FAM168A: variants seen among roughly 807,000 people sequenced by gnomAD.
FAM168A encodes protein FAM168A.
In FAM168A, 3 loss-of-function variants were observed where a neutral mutation model predicts 28.5. The observed-to-expected ratio is 0.11, with a 90% CI of 0.05 to 0.27. The LOEUF (loss-of-function observed/expected upper bound fraction) is 0.27. FAM168A is among the 10% of genes least tolerant of loss of function. The probability of loss-of-function intolerance (pLI) is 1.00; values close to 1 mark genes in which losing one functional copy is unlikely to be tolerated. For synonymous variants in FAM168A, 122 were observed against 124.2 expected (o/e 0.98, Z 0.12); for missense variants, 222 against 311.5 (o/e 0.71, Z 2.16).
Position 73,404,074 on chromosome 11 carries a change from C to A in FAM168A, c.*2689G>T, listed in dbSNP as rs780041365. The A allele has an allele frequency of 6.6e-6, 1 of 152,166 alleles. No homozygotes were observed. Among genetic ancestry groups the A allele is most frequent in the African/African-American group, 2.4e-5 (1 of 41,442 alleles). 9.4% of individuals were successfully genotyped at this position (152,166 alleles called of 1,614,324 possible). On this transcript the variant is annotated 3_prime_UTR_variant, in exon 8 of 8. Coordinates refer to ENST00000356467, the MANE Select transcript of FAM168A (RefSeq NM_015159.3). ...CTTATGGATCAAATAGGAGAAATAA[C>A]CTCTATTTCATCGGGTTAAACCAGA...
intron 1 of FAM168A, among the ~76,000 whole-genome samples, chr11:73,476,236 G>C (rs1171446936): frequency 6.6e-6 from 1 of 152,088 alleles, no homozygotes. Context: ...TTCCTGGCCT[G>C]CGTTTAATCA....
chr11:73,467,659 C>T (rs1469474362), intron 2 of FAM168A, among the ~76,000 whole-genome samples: 3 of 152,106 alleles, frequency 2.0e-5, no homozygotes, highest in Non-Finnish European at 4.4e-5. Context: ...AATAGGAAAC[C>T]AAAGCCCCAC....
intron 1 of FAM168A, among the ~76,000 whole-genome samples, chr11:73,530,628 A>G (rs1234138409): frequency 6.6e-6 from 1 of 152,208 alleles, no homozygotes; most frequent in African/African-American, 2.4e-5. Flanking sequence ...CCTTAGGTAC[A>G]GCAATCTTTT....
At chr11:73,513,267 T>A (rs1855264508) in intron 1 of FAM168A, among the ~76,000 whole-genome samples, 1 of 146,340 alleles carries the variant, frequency 6.8e-6, no homozygotes, top group African/African-American at 2.6e-5. Context: ...TGGAGTGCAG[T>A]GGCGCGATCT....
chr11:73,411,680 C>A, intron 4 of FAM168A, 144 bp from the exon 5 acceptor site: 2 of 892,240 alleles, frequency 2.2e-6, no homozygotes, highest in South Asian at 1.5e-5. Flanking sequence ...GAGAACAGGG[C>A]TCCACCCAGA....
chr11:73,590,306 G>A (rs766319284), intron 1 of FAM168A, among the ~76,000 whole-genome samples: 14 of 152,200 alleles, frequency 9.2e-5, no homozygotes, highest in Non-Finnish European at 1.9e-4. Flanking sequence ...AGGAGGCTGA[G>A]GATGGAGGAT....
chr11:73,462,842 T>C (rs746560853), intron 2 of FAM168A, among the ~76,000 whole-genome samples: 1 of 148,144 alleles, frequency 6.8e-6, no homozygotes. Context: ...CTCTGGGCTA[T>C]AGAGAGAGAC....
intron 1 of FAM168A, among the ~76,000 whole-genome samples, chr11:73,586,921 T>C (rs1227131850): frequency 1.3e-5 from 2 of 152,148 alleles, no homozygotes; most frequent in African/African-American, 4.8e-5. Context: ...GTGAAACTGT[T>C]CAACTCTAAA....
At chr11:73,504,942 G>A in intron 1 of FAM168A, among the ~76,000 whole-genome samples, 1 of 152,058 alleles carries the variant, frequency 6.6e-6, no homozygotes, top group Non-Finnish European at 1.5e-5. Flanking sequence ...CTCATAAGTG[G>A]GAGCGGAACA....
intron 1 of FAM168A, among the ~76,000 whole-genome samples, chr11:73,485,385 A>C (rs1029771769): frequency 1.3e-5 from 2 of 152,228 alleles, no homozygotes; most frequent in African/African-American, 2.4e-5. Context: ...GTTTATAATG[A>C]GTTCTACTTC....
intron 2 of FAM168A, among the ~76,000 whole-genome samples, chr11:73,444,092 T>C (rs1867255551): frequency 6.6e-6 from 1 of 152,184 alleles, no homozygotes; most frequent in African/African-American, 2.4e-5. Flanking sequence ...AGCTGTACCA[T>C]TTACCAGACA....
intron 1 of FAM168A, among the ~76,000 whole-genome samples, chr11:73,552,388 C>T (rs1019469574): frequency 6.6e-6 from 1 of 152,176 alleles, no homozygotes; most frequent in Non-Finnish European, 1.5e-5. Flanking sequence ...TTGTATTCCA[C>T]TATAATTTAC....
At chr11:73,567,365 A>T (rs1336739958) in intron 1 of FAM168A, among the ~76,000 whole-genome samples, 1 of 152,192 alleles carries the variant, frequency 6.6e-6, no homozygotes, top group Non-Finnish European at 1.5e-5. Context: ...TTTGAGCCAG[A>T]CTTGTGACTT....
At chr11:73,409,766 T>C in intron 5 of FAM168A, 105 bp from the exon 6 acceptor site, 2 of 1,170,410 alleles carry the variant, frequency 1.7e-6, no homozygotes, top group Non-Finnish European at 2.4e-6. Context: ...CAGCTGGGGC[T>C]CTGCTTGTCT....
Position 73,447,545 on chromosome 11 carries a change from A to G in FAM168A, c.71-16775T>C, listed in dbSNP as rs572340519. Among the ~76,000 whole-genome samples, 10 of 149,216 alleles carry G rather than the reference A, an allele frequency of 6.7e-5. No homozygotes were observed. In the South Asian group the frequency reaches 1.9e-3, roughly 29 times the overall value. On this transcript the variant is annotated intron_variant, in intron 2 of 7. Coordinates refer to ENST00000356467, the MANE Select transcript of FAM168A (RefSeq NM_015159.3). The stretch of plus-strand genomic sequence containing the variant: ...CATTCCAGCCTGGGCAACAGAGTGT[A>G]AGACCCTGTCTCAAAAAAAAAAAAA...
intron 3 of FAM168A, among the ~76,000 whole-genome samples, chr11:73,423,015 T>C (rs1253158118): frequency 1.3e-5 from 2 of 152,274 alleles, no homozygotes; most frequent in Non-Finnish European, 2.9e-5. Flanking sequence ...GCCTGGGCTC[T>C]GCCACTTATT....
intron 1 of FAM168A, among the ~76,000 whole-genome samples, chr11:73,477,053 T>C (rs1867897982): frequency 6.6e-6 from 1 of 152,096 alleles, no homozygotes; most frequent in South Asian, 2.1e-4. Flanking sequence ...AACAAAATCA[T>C]GTTCTCTGCA....
chr11:73,538,912 T>C (rs1269202045), intron 1 of FAM168A, among the ~76,000 whole-genome samples: 1 of 152,212 alleles, frequency 6.6e-6, no homozygotes, highest in African/African-American at 2.4e-5. Context: ...TTGTAGCAAC[T>C]ATGTTTGGTT....
intron 1 of FAM168A, among the ~76,000 whole-genome samples, chr11:73,545,752 C>T (rs73546735): frequency 0.086 from 11,334 of 132,358 alleles, 542 homozygotes; most frequent in Non-Finnish European, 0.11. Flanking sequence ...TGCAGTGGTG[C>T]GATCACGGCT....
Sources: allele counts gnomAD v4.1 joint callset (sites outside exome capture counted in the v4.1 genomes callset), GRCh38; gene constraint gnomAD v4.1.1; transcripts MANE v1.5; gene names NCBI Gene and HGNC (gene_info 2026-07-23, HGNC 2026-07-21).